NCOA1: variants seen among roughly 807,000 people sequenced by gnomAD.
NCOA1 encodes the protein nuclear receptor coactivator 1, also known as Hin-2 protein.
NCOA1 carries 35 observed loss-of-function variants against 150.9 expected under a neutral mutation model. The observed-to-expected ratio is 0.23, with a 90% CI of 0.18 to 0.31. The LOEUF is 0.31. NCOA1 is among the 10% of genes least tolerant of loss of function. The pLI, the probability that NCOA1 is intolerant of heterozygous loss-of-function variation, is 1.00. For missense variants in NCOA1, 1,491 were observed against 1,749.3 expected (o/e 0.85, Z 2.63); for synonymous variants, 590 against 630.0 (o/e 0.94, Z 0.95).
At chr2:24,606,528 T>C (rs1222072216) in intron 3 of NCOA1, among the ~76,000 whole-genome samples, 2 of 152,228 alleles carry the variant, frequency 1.3e-5, no homozygotes, top group African/African-American at 4.8e-5. Context: ...TGAGTCACCA[T>C]GCTTGGCCTT....
chr2:24,521,239 C>T (rs1471602701), intron 1 of NCOA1, among the ~76,000 whole-genome samples: 1 of 152,130 alleles, frequency 6.6e-6, no homozygotes, highest in African/African-American at 2.4e-5. Flanking sequence ...TCGGTCACCT[C>T]ACATATGTTT....
intron 8 of NCOA1, among the ~76,000 whole-genome samples, chr2:24,686,482 G>A (rs1672411165): frequency 6.6e-6 from 1 of 152,126 alleles, no homozygotes; most frequent in Non-Finnish European, 1.5e-5. Context: ...ATGAAGATTA[G>A]GCATGCTGCT....
At chr2:24,657,965 G>A (rs958750367) in intron 4 of NCOA1, among the ~76,000 whole-genome samples, 2 of 152,190 alleles carry the variant, frequency 1.3e-5, no homozygotes, top group African/African-American at 4.8e-5. Flanking sequence ...CAGATCAGCA[G>A]GGATCTTTAA....
chr2:24,579,106 A>G (rs1269288656), intron 2 of NCOA1, among the ~76,000 whole-genome samples: 1 of 152,188 alleles, frequency 6.6e-6, no homozygotes, highest in Non-Finnish European at 1.5e-5. Flanking sequence ...TTTAAAACAT[A>G]CACATACAGA....
At chr2:24,684,283 T>C (rs989908276) in intron 8 of NCOA1, among the ~76,000 whole-genome samples, 2 of 152,238 alleles carry the variant, frequency 1.3e-5, no homozygotes, top group Admixed American at 1.3e-4. Flanking sequence ...AATTTTAGTC[T>C]CATGTTGGGT....
At chr2:24,560,812 G>A (rs981198683) in intron 1 of NCOA1, among the ~76,000 whole-genome samples, 3 of 152,234 alleles carry the variant, frequency 2.0e-5, no homozygotes, top group Non-Finnish European at 2.9e-5. Context: ...GTAAACTTGA[G>A]ATAAAAGATA....
chr2:24,769,605 T>C lies in NCOA1; in HGVS notation c.*1214T>C, dbSNP rs1480066988. ...ATACTCAAAGGAAATCTTCATTTTT[T>C]AGATTGACTTTGGGAATTTGAATTT... On this transcript the variant is annotated 3_prime_UTR_variant, in exon 23 of 23. Coordinates refer to ENST00000348332, the MANE Select transcript of NCOA1 (RefSeq NM_003743.5). 1 of 204,702 alleles carries C rather than the reference T, an allele frequency of 4.9e-6. No individual in the cohort carries two copies. The highest frequency in any genetic ancestry group is 1.0e-5 in the Non-Finnish European group (1 of 99,822). The allele number at this position is 204,702 out of a possible 1,614,324, so 12.7% of individuals were successfully genotyped here. A position where few individuals can be genotyped will look rare whatever the true frequency, so the allele number is the denominator to read the frequency against.
chr2:24,626,038 C>T (rs55937712), intron 3 of NCOA1, among the ~76,000 whole-genome samples: 1,840 of 152,196 alleles, frequency 0.012, 37 homozygotes, highest in African/African-American at 0.042. Flanking sequence ...TCAGATCTAC[C>T]ATGTCTTTAT....
At chr2:24,760,858 GT>G in intron 21 of NCOA1, among the ~76,000 whole-genome samples, 1 of 151,406 alleles carries the variant, frequency 6.6e-6, no homozygotes, top group South Asian at 2.1e-4. Flanking sequence ...TTTTTTTGTG[GT>G]TTTTTTGAGA....
intron 14 of NCOA1, among the ~76,000 whole-genome samples, chr2:24,725,241 T>G (rs1250059710): frequency 6.6e-6 from 1 of 152,154 alleles, no homozygotes; most frequent in Non-Finnish European, 1.5e-5. Flanking sequence ...CTGTTTTAGT[T>G]TTTAAAAAAA....
At chr2:24,762,655 T>C (rs1317047291) in intron 21 of NCOA1, 32 bp from the exon 22 acceptor site, 1 of 1,587,368 alleles carries the variant, frequency 6.3e-7, no homozygotes, top group South Asian at 1.1e-5. Context: ...AACAACTAGC[T>C]TGTAATTTGA....
chr2:24,576,651 G>A (rs1667004534), intron 2 of NCOA1, among the ~76,000 whole-genome samples: 1 of 152,192 alleles, frequency 6.6e-6, no homozygotes. Flanking sequence ...AAATTCTTGA[G>A]TAACTTCTCC....
intron 3 of NCOA1, among the ~76,000 whole-genome samples, chr2:24,586,875 C>T (rs1667434737): frequency 1.3e-5 from 2 of 152,176 alleles, no homozygotes; most frequent in South Asian, 4.1e-4. Flanking sequence ...AGTCCTTTCA[C>T]TAGTGGCAGG....
intron 4 of NCOA1, among the ~76,000 whole-genome samples, chr2:24,648,796 T>A (rs1471346605): frequency 6.6e-6 from 1 of 152,342 alleles, no homozygotes; most frequent in East Asian, 1.9e-4. Flanking sequence ...TTTATTGGTG[T>A]AGATATATAT....
chr2:24,527,273 C>CT (rs893208152), intron 1 of NCOA1, among the ~76,000 whole-genome samples: 4 of 152,066 alleles, frequency 2.6e-5, no homozygotes, highest in African/African-American at 9.7e-5. Context: ...CTTTTATATC[C>CT]TACATATCTG....
chr2:24,690,519 G>A (rs1029579375), intron 8 of NCOA1, among the ~76,000 whole-genome samples: 3 of 151,682 alleles, frequency 2.0e-5, no homozygotes, highest in Non-Finnish European at 4.4e-5. Context: ...CAGCGTGGTG[G>A]CACACACCTA....
intron 3 of NCOA1, among the ~76,000 whole-genome samples, chr2:24,632,543 T>G (rs1210721625): frequency 6.6e-6 from 1 of 152,174 alleles, no homozygotes; most frequent in Non-Finnish European, 1.5e-5. Flanking sequence ...TGGAGAGGAA[T>G]TAAGTGAGTA....
At chr2:24,515,958 T>C (rs2148120101) in intron 1 of NCOA1, among the ~76,000 whole-genome samples, 1 of 152,256 alleles carries the variant, frequency 6.6e-6, no homozygotes, top group South Asian at 2.1e-4. Context: ...AAAGAAGTTA[T>C]TCTTTTAGTT....
Position 24,751,588 on chromosome 2 carries a change from A to G in NCOA1, c.3707-394A>G, listed in dbSNP as rs770905874. On this transcript the variant is annotated intron_variant, in intron 19 of 22. Coordinates refer to ENST00000348332, the MANE Select transcript of NCOA1 (RefSeq NM_003743.5). ...ACAGAGCAAGACTCCATCTCGGGGG[A>G]AAAAAAAAAAAAGTTTAATTTACTA... 2.9e-3 allele frequency among the ~76,000 whole-genome samples: 341 copies of G among 117,716 alleles called. 1 individual carries two copies. The highest frequency in any genetic ancestry group is 0.017 in the Middle Eastern group (4 of 242). The allele number at this position is 117,716 out of a possible 152,430, so 77.2% of individuals were successfully genotyped here.
Sources: allele counts gnomAD v4.1 joint callset (sites outside exome capture counted in the v4.1 genomes callset), GRCh38; gene constraint gnomAD v4.1.1; transcripts MANE v1.5; gene names NCBI Gene and HGNC (gene_info 2026-07-23, HGNC 2026-07-21).